The following HS3ST1 variants were observed in gnomAD, a reference collection of about 807,000 sequenced individuals.
The protein encoded by HS3ST1 is heparan sulfate glucosamine 3-O-sulfotransferase 1.
Under a neutral mutation model 20.7 loss-of-function variants are expected in HS3ST1, and 8 were observed. The ratio of observed to expected loss-of-function variants is 0.39; its 90% CI spans 0.23 to 0.70. The LOEUF (loss-of-function observed/expected upper bound fraction) is 0.70. Ranked by LOEUF, HS3ST1 falls within the 30% of genes least tolerant of loss-of-function variation. The pLI is 0.46. For synonymous variants in HS3ST1, 205 were observed against 190.4 expected (o/e 1.08, Z -0.63); for missense variants, 436 against 423.4 (o/e 1.03, Z -0.26).
chr4:11,418,897 T>C (rs940005563), intron 1 of HS3ST1, among the ~76,000 whole-genome samples: 30 of 152,286 alleles, frequency 2.0e-4, no homozygotes, highest in African/African-American at 6.7e-4. Flanking sequence ...ATATGCTTTC[T>C]AGTTGGAACA....
intron 1 of HS3ST1, among the ~76,000 whole-genome samples, chr4:11,424,642 T>G (rs1410376524): frequency 6.6e-6 from 1 of 152,064 alleles, no homozygotes; most frequent in Non-Finnish European, 1.5e-5. Flanking sequence ...CACATCAAGA[T>G]GGTGTTGCAG....
chr4:11,414,335 G>A (rs1415688880), intron 1 of HS3ST1, among the ~76,000 whole-genome samples: 4 of 151,934 alleles, frequency 2.6e-5, no homozygotes, highest in Non-Finnish European at 4.4e-5. Flanking sequence ...ACATATACAC[G>A]CGTGTGTGGT....
At position 11,399,801 on chromosome 4, in the gene HS3ST1, C is replaced by G. The variant is rs1372514144; in HGVS notation, c.205G>C (p.Ala69Pro). 1 of 1,613,132 alleles carries G rather than the reference C, an allele frequency of 6.2e-7. No individual in the cohort carries two copies. Among genetic ancestry groups the G allele is most frequent in the South Asian group, 1.1e-5 (1 of 91,022 alleles). Reference protein sequence around the residue: ...IIGVRKGGTRALLEMLSLHPD... With the variant: ...IIGVRKGGTRPLLEMLSLHPD... ...TGCAGGCTGAGCATCTCCAGCAGTG[C>G]GCGCGTGCCGCCCTTGCGCACGCCG... Residue 69 changes from alanine (A) to proline (P), a missense_variant, in exon 2 of 2, where the codon GCA becomes CCA. Physicochemically the swap from Ala to Pro is conservative, Grantham distance 27. Transcript: ENST00000002596. The surrounding 1 kb of genome is among the most constrained non-coding windows in gnomAD (Gnocchi z 5.1).
chr4:11,401,960 T>G (rs1319991995), intron 1 of HS3ST1, among the ~76,000 whole-genome samples: 2 of 152,196 alleles, frequency 1.3e-5, no homozygotes. Flanking sequence ...TGCTTTCACT[T>G]GAGTCATCTC....
chr4:11,417,224 T>C (rs975590176), intron 1 of HS3ST1, among the ~76,000 whole-genome samples: 3 of 152,194 alleles, frequency 2.0e-5, no homozygotes, highest in African/African-American at 7.2e-5. Context: ...TCAAATGCAT[T>C]ATAATTAAAA....
chr4:11,410,561 C>T lies in HS3ST1; in HGVS notation c.-108-10448G>A, dbSNP rs1718593975. Among the ~76,000 whole-genome samples the T allele has an allele frequency of 2.0e-5, 3 of 152,164 alleles. No individual in the cohort carries two copies. The South Asian group carries it at 6.2e-4, about 31-fold the overall frequency. On this transcript the variant is annotated intron_variant, in intron 1 of 1. Coordinates refer to ENST00000002596, the MANE Select transcript of HS3ST1 (RefSeq NM_005114.4). ...GTGGATGAGGCTACAGGACCCACAG[C>T]TTGAGAGGCTGCAGTGTTCTCTCTA...
chr4:11,417,027 G>C (rs1718802723), intron 1 of HS3ST1, among the ~76,000 whole-genome samples: 1 of 152,148 alleles, frequency 6.6e-6, no homozygotes, highest in African/African-American at 2.4e-5. Context: ...GGGTGGTCCT[G>C]AGGTCAGATT....
rs772757354 is a variant in HS3ST1 at position 11,399,802 on chromosome 4, G to T, written c.204C>A (p.Arg68=). 5 of 1,613,034 alleles carry T rather than the reference G, an allele frequency of 3.1e-6. No homozygotes were observed. Among genetic ancestry groups the T allele is most frequent in the South Asian group, 2.2e-5 (2 of 91,040 alleles). Residue 68 remains arginine, a synonymous_variant, in exon 2 of 2, where the codon CGC becomes CGA. Coordinates refer to ENST00000002596, the MANE Select transcript of HS3ST1 (RefSeq NM_005114.4). This position sits in a 1 kb window ranked among gnomAD's most constrained non-coding sequence, Gnocchi z 5.1. ...GCAGGCTGAGCATCTCCAGCAGTGCGCGCGTGCCGCCCTTGCGCACGCCGA... is the reference window on the plus strand; with the variant it reads ...GCAGGCTGAGCATCTCCAGCAGTGCTCGCGTGCCGCCCTTGCGCACGCCGA... ...IIIGVRKGGT[R]ALLEMLSLHP... is the part of the protein sequence containing the mutation.
chr4:11,428,025 A>C (rs1484777747), intron 1 of HS3ST1, among the ~76,000 whole-genome samples: 2 of 152,270 alleles, frequency 1.3e-5, no homozygotes, highest in African/African-American at 4.8e-5. Flanking sequence ...CCTCACCTCC[A>C]TCCGCTGCCA....
chr4:11,419,631 TTAAAG>T (rs1363662113), intron 1 of HS3ST1, among the ~76,000 whole-genome samples: 2 of 152,046 alleles, frequency 1.3e-5, no homozygotes, highest in Non-Finnish European at 2.9e-5. Context: ...ATCCTGGAAC[TTAAAG>T]TAAAACAAAA....
chr4:11,416,315 C>T (rs1006848816), intron 1 of HS3ST1, among the ~76,000 whole-genome samples: 2 of 152,162 alleles, frequency 1.3e-5, no homozygotes, highest in Non-Finnish European at 2.9e-5. Flanking sequence ...ATATTTCACT[C>T]AGGGATCAAG....
chr4:11,402,931 T>C (rs946144819), intron 1 of HS3ST1, among the ~76,000 whole-genome samples: 1 of 152,220 alleles, frequency 6.6e-6, no homozygotes, highest in Non-Finnish European at 1.5e-5. Flanking sequence ...AACAACGTAT[T>C]GGGAAGTTAA....
intron 1 of HS3ST1, among the ~76,000 whole-genome samples, chr4:11,407,780 A>G (rs971980407): frequency 1.3e-5 from 2 of 152,242 alleles, no homozygotes; most frequent in African/African-American, 4.8e-5. Context: ...TTGGAAAGCC[A>G]GTTACAAATG....
upstream of HS3ST1, chr4:11,429,876 G>C (rs1719170812): frequency 6.6e-6 from 1 of 151,940 alleles, no homozygotes; most frequent in African/African-American, 2.4e-5. Context: ...CTGAGCCAAA[G>C]GAAGTTGCCC....
rs1718170705 is a variant in HS3ST1 at position 11,397,344 on chromosome 4, C to G, written c.*1738G>C. 6.6e-6 allele frequency: 1 copy of G among 152,542 alleles called. No individual in the cohort carries two copies. The highest frequency in any genetic ancestry group is 1.5e-5 in the Non-Finnish European group (1 of 68,338). The allele number at this position is 152,542 out of a possible 1,614,324, so 9.4% of individuals were successfully genotyped here. On this transcript the variant is annotated 3_prime_UTR_variant, in exon 2 of 2. Coordinates refer to ENST00000002596, the MANE Select transcript of HS3ST1 (RefSeq NM_005114.4). Reference sequence around the variant, plus strand: ...TAGGCCATGCTAAGGTCAGGTCAGGCTGGAGCTGCTGAAACGTACCAAGGT... The same window carrying G: ...TAGGCCATGCTAAGGTCAGGTCAGGGTGGAGCTGCTGAAACGTACCAAGGT...
At chr4:11,424,702 G>A (rs961844928) in intron 1 of HS3ST1, among the ~76,000 whole-genome samples, 1 of 152,106 alleles carries the variant, frequency 6.6e-6, no homozygotes, top group South Asian at 2.1e-4. Context: ...TGCTGCCAAC[G>A]CCACTTGATC....
Position 11,401,364 on chromosome 4 carries a change from T to A in HS3ST1, c.-108-1251A>T, listed in dbSNP as rs868605503. ...GTCACCGCCATTTTTTTTTTTTTTTTATGGAGTTTTGCTCTTGTTGCTCAG... is the reference window on the plus strand; with the variant it reads ...GTCACCGCCATTTTTTTTTTTTTTTAATGGAGTTTTGCTCTTGTTGCTCAG... On this transcript the variant is annotated intron_variant, in intron 1 of 1. Transcript: ENST00000002596. Among the ~76,000 whole-genome samples, 604 of 151,456 alleles carry A rather than the reference T, an allele frequency of 4.0e-3. 4 individuals carry two copies. Among genetic ancestry groups the A allele is most frequent in the Non-Finnish European group, 6.1e-3 (417 of 67,832 alleles).
intron 1 of HS3ST1, among the ~76,000 whole-genome samples, chr4:11,427,324 G>A (rs1379835479): frequency 1.3e-5 from 2 of 152,176 alleles, no homozygotes; most frequent in Non-Finnish European, 1.5e-5. Flanking sequence ...CTACTGGCGG[G>A]AGGCGCAGCC....
intron 1 of HS3ST1, among the ~76,000 whole-genome samples, chr4:11,426,195 A>G (rs534681131): frequency 3.7e-4 from 57 of 152,256 alleles, no homozygotes; most frequent in African/African-American, 1.3e-3. Flanking sequence ...TGATTTAGCA[A>G]CCACGGTGGG....
Sources: allele counts gnomAD v4.1 joint callset (sites outside exome capture counted in the v4.1 genomes callset), GRCh38; gene constraint gnomAD v4.1.1; non-coding constraint Gnocchi (gnomAD v3.1); transcripts MANE v1.5; gene names NCBI Gene and HGNC (gene_info 2026-07-23, HGNC 2026-07-21).